Variants in SFXN1 observed in about 807,000 individuals in gnomAD.
SFXN1 encodes sideroflexin-1.
A neutral mutation model predicts 39.5 loss-of-function variants in SFXN1; 32 were observed. That is an observed-to-expected ratio of 0.81 (90% confidence interval 0.61 to 1.09). SFXN1 has a LOEUF of 1.09. Ranked by LOEUF, SFXN1 falls within the 50% of genes least tolerant of loss-of-function variation. SFXN1 has a pLI of 0.00. For missense variants in SFXN1, 402 were observed against 407.1 expected (o/e 0.99, Z 0.11); for synonymous variants, 136 against 146.5 (o/e 0.93, Z 0.52).
At chr5:175,506,341 G>A (rs183185382) in intron 2 of SFXN1, among the ~76,000 whole-genome samples, 21 of 152,182 alleles carry the variant, frequency 1.4e-4, no homozygotes, top group African/African-American at 3.4e-4. Flanking sequence ...TAAAATACGC[G>A]TACAAATTAC....
chr5:175,499,891 T>C (rs565559930), intron 2 of SFXN1, among the ~76,000 whole-genome samples: 1 of 152,324 alleles, frequency 6.6e-6, no homozygotes, highest in African/African-American at 2.4e-5. Flanking sequence ...ATCATCTATA[T>C]AGAAAGAATT....
chr5:175,518,489 C>G (rs1438775829), intron 8 of SFXN1, among the ~76,000 whole-genome samples: 3 of 152,128 alleles, frequency 2.0e-5, no homozygotes, highest in Non-Finnish European at 4.4e-5. Context: ...GAGCATGTAG[C>G]ATGATATGGG....
At chr5:175,521,840 T>A in intron 8 of SFXN1, 79 bp from the exon 9 acceptor site, 1 of 1,127,414 alleles carries the variant, frequency 8.9e-7, no homozygotes, top group Non-Finnish European at 1.3e-6. Flanking sequence ...TGGTGAGAGG[T>A]TCCTTCCAGT....
intron 1 of SFXN1, chr5:175,491,521 C>T (rs1759654951): frequency 6.6e-6 from 1 of 151,240 alleles, no homozygotes; most frequent in Non-Finnish European, 1.5e-5. Flanking sequence ...GTCACCCAGG[C>T]TGGAGTGCAG....
At chr5:175,522,004 T>A in intron 9 of SFXN1, 36 bp downstream of exon 9, 1 of 1,541,518 alleles carries the variant, frequency 6.5e-7, no homozygotes, top group African/African-American at 1.4e-5. Context: ...TTAATTTCTT[T>A]TAAAATATAA....
chr5:175,513,579 C>G lies in SFXN1; in HGVS notation c.713C>G (p.Ala238Gly), dbSNP rs1448713425. ...QVVVSRILMA[A>G]PGMAIPPFIM... Reference sequence around the variant, plus strand: ...GTCGTGTCCAGGATTCTCATGGCAGCCCCTGGCATGGGTTAGCAGGACTTT... The same window carrying G: ...GTCGTGTCCAGGATTCTCATGGCAGGCCCTGGCATGGGTTAGCAGGACTTT... Residue 238 changes from alanine to glycine, a missense_variant, in exon 7 of 11, where the codon GCC (alanine) becomes GGC (glycine). Transcript: ENST00000321442. 6.2e-7 allele frequency: 1 copy of G among 1,613,572 alleles called. No individual in the cohort carries two copies. Among genetic ancestry groups the G allele is most frequent in the African/African-American group, 1.3e-5 (1 of 74,862 alleles).
intron 2 of SFXN1, among the ~76,000 whole-genome samples, chr5:175,504,172 C>T (rs1170857608): frequency 6.6e-6 from 1 of 152,184 alleles, no homozygotes; most frequent in Non-Finnish European, 1.5e-5. Flanking sequence ...ATTCTATTAA[C>T]TGTTCGAAGT....
chr5:175,488,568 G>A (rs918719869), intron 1 of SFXN1, among the ~76,000 whole-genome samples: 1 of 152,074 alleles, frequency 6.6e-6, no homozygotes, highest in Non-Finnish European at 1.5e-5. Flanking sequence ...CAAAGTGCTG[G>A]GATTACAGGT....
intron 2 of SFXN1, among the ~76,000 whole-genome samples, chr5:175,501,231 G>A (rs1760068938): frequency 1.3e-5 from 2 of 151,784 alleles, no homozygotes; most frequent in African/African-American, 4.9e-5. Flanking sequence ...ACCACGCCCA[G>A]CTAATTTTTT....
At chr5:175,493,178 A>G (rs1759722872) in intron 2 of SFXN1, among the ~76,000 whole-genome samples, 1 of 152,108 alleles carries the variant, frequency 6.6e-6, no homozygotes. Context: ...GCATGAAGCC[A>G]GGAGGCAGAG....
intron 4 of SFXN1, among the ~76,000 whole-genome samples, chr5:175,510,980 C>G (rs1032540802): frequency 1.1e-4 from 17 of 152,114 alleles, no homozygotes; most frequent in Admixed American, 2.0e-4. Flanking sequence ...GATGATAAGA[C>G]TTAGTATTTT....
At chr5:175,497,936 G>GAA (rs71581646) in intron 2 of SFXN1, among the ~76,000 whole-genome samples, 5 of 95,894 alleles carry the variant, frequency 5.2e-5, no homozygotes, top group African/African-American at 1.1e-4. Flanking sequence ...GTCTCAAAAA[G>GAA]AAAAAAAAAA....
At chr5:175,526,228 T>C (rs1761055656) in intron 10 of SFXN1, among the ~76,000 whole-genome samples, 1 of 151,566 alleles carries the variant, frequency 6.6e-6, no homozygotes, top group Admixed American at 6.6e-5. Flanking sequence ...AGATTATCAA[T>C]GTTATGCATT....
chr5:175,486,727 A>G (rs1235425711), intron 1 of SFXN1, among the ~76,000 whole-genome samples: 1 of 152,156 alleles, frequency 6.6e-6, no homozygotes, highest in Non-Finnish European at 1.5e-5. Flanking sequence ...GCAGTGAGCT[A>G]TGATTGCACC....
chr5:175,479,803 A>G (rs976022252), intron 1 of SFXN1, among the ~76,000 whole-genome samples: 5 of 152,056 alleles, frequency 3.3e-5, no homozygotes, highest in South Asian at 4.2e-4. Context: ...TTCCCTGCAC[A>G]TTTCTCACAG....
intron 2 of SFXN1, among the ~76,000 whole-genome samples, chr5:175,498,337 T>G (rs1759944608): frequency 6.6e-6 from 1 of 150,854 alleles, no homozygotes; most frequent in Non-Finnish European, 1.5e-5. Context: ...ATTTACTAAT[T>G]TAACCCTCAC....
intron 1 of SFXN1, among the ~76,000 whole-genome samples, chr5:175,491,020 T>G (rs932942612): frequency 2.0e-5 from 3 of 152,228 alleles, no homozygotes; most frequent in African/African-American, 7.2e-5. Flanking sequence ...TTTTCTGTAA[T>G]AAGCTTGTAT....
chr5:175,513,397 T>A, intron 6 of SFXN1, 66 bp from the exon 7 acceptor site: 1 of 1,496,692 alleles, frequency 6.7e-7, no homozygotes, highest in Non-Finnish European at 9.1e-7. Flanking sequence ...TTTCCCAACA[T>A]AGTACTATTT....
At chr5:175,523,333 G>A (rs1760936948) in intron 10 of SFXN1, 1 of 152,150 alleles carries the variant, frequency 6.6e-6, no homozygotes, top group African/African-American at 2.4e-5. Flanking sequence ...AACTTGCTCT[G>A]GGAGCCTGAT....
Sources: gnomAD v4.1 joint callset for allele counts (sites outside exome capture counted in the v4.1 genomes callset) on GRCh38, gnomAD v4.1.1 for gene constraint, MANE v1.5 for transcripts, NCBI Gene and HGNC (gene_info 2026-07-23, HGNC 2026-07-21) for gene names.